Variants in ARHGAP6 observed in about 807,000 individuals in gnomAD.
The protein encoded by ARHGAP6 is Rho GTPase activating protein 6, also known as rho GTPase-activating protein 6.
A neutral mutation model predicts 55.7 loss-of-function variants in ARHGAP6; 16 were observed. That is an observed-to-expected ratio of 0.29 (90% CI 0.19 to 0.44). ARHGAP6 has a LOEUF of 0.44. ARHGAP6 is among the 20% of genes least tolerant of loss of function. ARHGAP6 has a pLI of 1.00. For synonymous variants in ARHGAP6, 382 were observed against 360.9 expected (o/e 1.06, Z -0.66); for missense variants, 698 against 808.9 (o/e 0.86, Z 1.66).
intron 1 of ARHGAP6, among the ~76,000 whole-genome samples, chrX:11,375,928 T>A (rs1292627820): frequency 9.1e-6 from 1 of 110,089 alleles, no homozygotes; most frequent in Non-Finnish European, 1.9e-5. Context: ...GTTCAAAATA[T>A]CCATAAATAG....
chrX:11,144,061 C>T lies in ARHGAP6; in HGVS notation c.2095G>A (p.Val699Met), dbSNP rs1038645032. The stretch of plus-strand genomic sequence containing the variant: ...CCCACCAGCATAAACTGCCCTGGCA[C>T]TCTGTAAAGCTTCTCCGAGCCCCCC... ...APGGSEKLYRVPGQFMLVGHL... is the reference protein window; with the variant it reads ...APGGSEKLYRMPGQFMLVGHL... Residue 699 changes from valine (V) to methionine (M), a missense_variant, in exon 11 of 13, where the codon GTG becomes ATG. By Grantham distance (21) the Val-to-Met change is conservative (BLOSUM62 1). Around this residue, in one of 3 missense-constraint regions of ARHGAP6, gnomAD observed 322 missense variants for 451.1 expected, o/e 0.71. Coordinates refer to ENST00000337414, the MANE Select transcript of ARHGAP6 (RefSeq NM_013427.3). 8.3e-7 allele frequency: 1 copy of T among 1,210,859 alleles called. No homozygotes were observed. Among genetic ancestry groups the T allele is most frequent in the South Asian group, 1.8e-5 (1 of 56,752 alleles).
intron 1 of ARHGAP6, among the ~76,000 whole-genome samples, chrX:11,660,314 A>C (rs2052681441): frequency 9.2e-6 from 1 of 108,900 alleles, no homozygotes; most frequent in East Asian, 2.9e-4. Flanking sequence ...TAATCCTAGC[A>C]CTTTGGGAGG....
At chrX:11,586,679 GT>G (rs1415912519) in intron 1 of ARHGAP6, among the ~76,000 whole-genome samples, 1 of 111,618 alleles carries the variant, frequency 9.0e-6, no homozygotes, top group Non-Finnish European at 1.9e-5. Context: ...CCATATGAAT[GT>G]TAAAACAGTT....
intron 1 of ARHGAP6, among the ~76,000 whole-genome samples, chrX:11,423,041 T>C (rs1195019165): frequency 2.7e-5 from 3 of 112,362 alleles, no homozygotes; most frequent in Non-Finnish European, 5.6e-5. Flanking sequence ...TTCAATAATC[T>C]CTCACATATT....
chrX:11,650,630 T>C (rs763462824), intron 1 of ARHGAP6, among the ~76,000 whole-genome samples: 19 of 112,440 alleles, frequency 1.7e-4, no homozygotes, highest in Non-Finnish European at 3.6e-4. Flanking sequence ...AATAACTAAT[T>C]TCAGCTAAAG....
intron 2 of ARHGAP6, among the ~76,000 whole-genome samples, chrX:11,223,000 AG>A (rs909098644): frequency 2.7e-5 from 3 of 112,368 alleles, no homozygotes; most frequent in African/African-American, 9.7e-5. Context: ...TTTACAGAAA[AG>A]GATTAAATCT....
intron 1 of ARHGAP6, among the ~76,000 whole-genome samples, chrX:11,291,569 A>C (rs973470714): frequency 2.7e-5 from 3 of 111,256 alleles, no homozygotes; most frequent in African/African-American, 9.8e-5. Context: ...ACTCCAATAT[A>C]TGTAATTATA....
chrX:11,397,383 G>A (rs2049489444), intron 1 of ARHGAP6, among the ~76,000 whole-genome samples: 1 of 111,402 alleles, frequency 9.0e-6, no homozygotes, highest in Non-Finnish European at 1.9e-5. Context: ...ATTTATGTGT[G>A]TGTATAACAT....
intron 1 of ARHGAP6, among the ~76,000 whole-genome samples, chrX:11,490,470 T>C (rs190996771): frequency 3.3e-3 from 365 of 112,022 alleles, no homozygotes; most frequent in African/African-American, 0.011. Flanking sequence ...AGCTGACACA[T>C]TGATTGCAGC....
chrX:11,586,066 T>C (rs148389944), intron 1 of ARHGAP6, among the ~76,000 whole-genome samples: 240 of 111,261 alleles, frequency 2.2e-3, no homozygotes, highest in African/African-American at 7.6e-3. Context: ...ACCTCCAACA[T>C]TGGGGATTAA....
chrX:11,288,535 T>G (rs987030501), intron 1 of ARHGAP6, among the ~76,000 whole-genome samples: 3 of 112,372 alleles, frequency 2.7e-5, no homozygotes, highest in African/African-American at 9.7e-5. Flanking sequence ...TTCACCACTT[T>G]AAAGTGTACA....
chrX:11,341,353 CA>C (rs1017590033), intron 1 of ARHGAP6, among the ~76,000 whole-genome samples: 1 of 110,868 alleles, frequency 9.0e-6, no homozygotes, highest in African/African-American at 3.3e-5. Context: ...AGTACTGACT[CA>C]AAACATACTT....
intron 1 of ARHGAP6, among the ~76,000 whole-genome samples, chrX:11,516,768 T>C (rs1290395005): frequency 8.9e-6 from 1 of 111,907 alleles, no homozygotes; most frequent in Non-Finnish European, 1.9e-5. Context: ...ACATTGCTAG[T>C]AAATGGTAAA....
At chrX:11,207,685 C>T (rs917109117) in intron 2 of ARHGAP6, among the ~76,000 whole-genome samples, 9 of 112,320 alleles carry the variant, frequency 8.0e-5, no homozygotes, top group East Asian at 2.8e-4. Flanking sequence ...TACCTGCCAG[C>T]TGGCTCCTCA....
intron 1 of ARHGAP6, among the ~76,000 whole-genome samples, chrX:11,349,998 T>C (rs2048839767): frequency 9.0e-6 from 1 of 111,702 alleles, no homozygotes; most frequent in South Asian, 3.8e-4. Flanking sequence ...CCCCCTGCCT[T>C]ACAAGGTGGT....
intron 1 of ARHGAP6, among the ~76,000 whole-genome samples, chrX:11,651,025 T>G (rs189373147): frequency 2.4e-4 from 27 of 112,521 alleles, no homozygotes; most frequent in African/African-American, 8.4e-4. Context: ...CACTCTGATA[T>G]GATATGAAAA....
chrX:11,343,293 C>A (rs2073345337), intron 1 of ARHGAP6, among the ~76,000 whole-genome samples: 1 of 112,355 alleles, frequency 8.9e-6, no homozygotes, highest in African/African-American at 3.2e-5. Flanking sequence ...GCTGTGCATT[C>A]ATAAAACTAC....
chrX:11,333,342 G>A (rs2048586032), intron 1 of ARHGAP6, among the ~76,000 whole-genome samples: 3 of 111,568 alleles, frequency 2.7e-5, no homozygotes, highest in African/African-American at 9.8e-5. Flanking sequence ...GGTTTTATAA[G>A]GGGCTTTTGC....
intron 1 of ARHGAP6, among the ~76,000 whole-genome samples, chrX:11,336,476 C>T (rs1013651156): frequency 5.4e-5 from 6 of 111,603 alleles, no homozygotes; most frequent in African/African-American, 2.0e-4. Context: ...GACGCTGGCA[C>T]TCTCTCACCA....
Sources: gnomAD v4.1 joint callset for allele counts (sites outside exome capture counted in the v4.1 genomes callset) on GRCh38, gnomAD v4.1.1 for gene constraint, gnomAD v4.1.1 regional missense constraint, MANE v1.5 for transcripts, NCBI Gene and HGNC (gene_info 2026-07-23, HGNC 2026-07-21) for gene names.